The following C8orf34 variants were observed in gnomAD, a reference collection of about 807,000 sequenced individuals.
C8orf34 encodes chromosome 8 open reading frame 34.
Under a neutral mutation model 68.3 loss-of-function variants are expected in C8orf34, and 65 were observed. That is an observed-to-expected ratio of 0.95 (90% CI 0.78 to 1.17). The LOEUF (loss-of-function observed/expected upper bound fraction) is 1.17. Ranked by LOEUF, C8orf34 falls within the 50% of genes most tolerant of loss-of-function variation. The pLI, the probability that C8orf34 is intolerant of heterozygous loss-of-function variation, is 0.00. For synonymous variants in C8orf34, 244 were observed against 241.2 expected (o/e 1.01, Z -0.11); for missense variants, 664 against 655.4 (o/e 1.01, Z -0.14).
intron 7 of C8orf34, among the ~76,000 whole-genome samples, chr8:68,568,438 A>G (rs1816664782): frequency 6.6e-6 from 1 of 152,134 alleles, no homozygotes; most frequent in Non-Finnish European, 1.5e-5. Flanking sequence ...TTGAACGCTG[A>G]AAAAGTTTGA....
intron 1 of C8orf34, among the ~76,000 whole-genome samples, chr8:68,391,687 C>T (rs2676656): frequency 0.12 from 18,111 of 152,136 alleles, 1,133 homozygotes; most frequent in African/African-American, 0.15. Context: ...GCTTAAACCA[C>T]AAGGTTTATT....
intron 10 of C8orf34, among the ~76,000 whole-genome samples, chr8:68,725,562 G>C (rs1821805683): frequency 6.6e-6 from 1 of 152,164 alleles, no homozygotes; most frequent in Admixed American, 6.5e-5. Context: ...TAATTATTAA[G>C]TGCTTCACAT....
intron 8 of C8orf34, 27 bp from the exon 9 acceptor site, chr8:68,708,966 GT>G: frequency 6.6e-7 from 1 of 1,512,592 alleles, no homozygotes. Context: ...ATTATGAGAT[GT>G]TTCAATGATC....
chr8:68,711,030 G>A (rs1201340911), intron 9 of C8orf34, among the ~76,000 whole-genome samples: 2 of 152,120 alleles, frequency 1.3e-5, no homozygotes, highest in South Asian at 2.1e-4. Flanking sequence ...CCCAGAGCCC[G>A]GTAGCTCCAC....
At chr8:68,816,067 C>A in intron 13 of C8orf34, 122 bp downstream of exon 13, 1 of 1,506,188 alleles carries the variant, frequency 6.6e-7, no homozygotes, top group Non-Finnish European at 9.1e-7. Context: ...ATAGGTTTTT[C>A]TCCAAGTATC....
intron 12 of C8orf34, among the ~76,000 whole-genome samples, chr8:68,812,992 A>G (rs1482181344): frequency 6.6e-6 from 1 of 152,202 alleles, no homozygotes; most frequent in African/African-American, 2.4e-5. Context: ...TGCAATGAAC[A>G]TGGTGCATCA....
intron 1 of C8orf34, among the ~76,000 whole-genome samples, chr8:68,386,130 T>G (rs2676650): frequency 3.3e-5 from 5 of 152,052 alleles, no homozygotes; most frequent in Non-Finnish European, 7.4e-5. Context: ...TGATCTTGAA[T>G]GCCTGGGCTT....
chr8:68,690,145 A>C (rs1820643608), intron 8 of C8orf34, among the ~76,000 whole-genome samples: 1 of 152,108 alleles, frequency 6.6e-6, no homozygotes, highest in African/African-American at 2.4e-5. Context: ...CAAATGAAGC[A>C]AACAGATACA....
intron 3 of C8orf34, among the ~76,000 whole-genome samples, chr8:68,451,278 C>T (rs1010821108): frequency 2.6e-5 from 4 of 152,078 alleles, no homozygotes; most frequent in African/African-American, 4.8e-5. Flanking sequence ...AGACTTTCTC[C>T]ATATCAGCAA....
At chr8:68,800,686 T>C (rs956244451) in intron 12 of C8orf34, among the ~76,000 whole-genome samples, 5 of 152,160 alleles carry the variant, frequency 3.3e-5, no homozygotes, top group Non-Finnish European at 7.4e-5. Flanking sequence ...CATTGACTCA[T>C]AAAATTTTAA....
chr8:68,384,666 A>C (rs1167354298), intron 1 of C8orf34, among the ~76,000 whole-genome samples: 4 of 152,184 alleles, frequency 2.6e-5, no homozygotes, highest in Non-Finnish European at 5.9e-5. Flanking sequence ...ATCAGGCTAA[A>C]ACTGGTTGTT....
At chr8:68,684,820 T>TTTAAAATTTCCC (rs1820466547) in intron 8 of C8orf34, among the ~76,000 whole-genome samples, 1 of 152,072 alleles carries the variant, frequency 6.6e-6, no homozygotes, top group South Asian at 2.1e-4. Context: ...TTTCCCTTTT[T>TTTAAAATTTCCC]GGTTTTATTT....
At chr8:68,493,821 A>G (rs978396082) in intron 5 of C8orf34, among the ~76,000 whole-genome samples, 1 of 152,172 alleles carries the variant, frequency 6.6e-6, no homozygotes, top group Non-Finnish European at 1.5e-5. Flanking sequence ...AGATGGCACC[A>G]ACTCAGAGAC....
intron 1 of C8orf34, among the ~76,000 whole-genome samples, chr8:68,423,096 A>G (rs1382875778): frequency 6.6e-6 from 1 of 152,084 alleles, no homozygotes; most frequent in Non-Finnish European, 1.5e-5. Flanking sequence ...GCGCAGAGAT[A>G]TTTTTTCCCA....
intron 1 of C8orf34, among the ~76,000 whole-genome samples, chr8:68,405,915 T>C (rs1413011097): frequency 6.6e-6 from 1 of 152,054 alleles, no homozygotes; most frequent in Non-Finnish European, 1.5e-5. Flanking sequence ...TTTTAGGCCA[T>C]GAAAAAGTAT....
At chr8:68,359,034 A>G (rs1462077307) in intron 1 of C8orf34, among the ~76,000 whole-genome samples, 3 of 152,144 alleles carry the variant, frequency 2.0e-5, no homozygotes, top group African/African-American at 7.2e-5. Context: ...GACAAGTAAA[A>G]ATTATATTGC....
intron 10 of C8orf34, among the ~76,000 whole-genome samples, chr8:68,749,785 T>C (rs1002630512): frequency 6.6e-6 from 1 of 152,236 alleles, no homozygotes; most frequent in African/African-American, 2.4e-5. Context: ...ATGACCATGT[T>C]ACATAGGAAA....
intron 11 of C8orf34, among the ~76,000 whole-genome samples, chr8:68,783,346 C>T (rs1359959597): frequency 1.3e-5 from 2 of 151,794 alleles, no homozygotes; most frequent in African/African-American, 2.4e-5. Flanking sequence ...GGTGAAACCC[C>T]GTCTCTACTA....
At chr8:68,342,763 C>G (rs76028663) in intron 1 of C8orf34, among the ~76,000 whole-genome samples, 3,427 of 152,182 alleles carry the variant, frequency 0.023, 57 homozygotes, top group African/African-American at 0.043. Context: ...TGTGGTATCT[C>G]AGTGCTTGAG....
Sources: gnomAD v4.1 joint callset for allele counts (sites outside exome capture counted in the v4.1 genomes callset) on GRCh38, gnomAD v4.1.1 for gene constraint, MANE v1.5 for transcripts, NCBI Gene and HGNC (gene_info 2026-07-23, HGNC 2026-07-21) for gene names.